The following SYT16 variants were observed in gnomAD, a reference collection of about 807,000 sequenced individuals.
SYT16 encodes synaptotagmin 16.
Under a neutral mutation model 61.4 loss-of-function variants are expected in SYT16, and 42 were observed. The ratio of observed to expected loss-of-function variants is 0.68; its 90% CI spans 0.53 to 0.89. The LOEUF (loss-of-function observed/expected upper bound fraction) is 0.89, where lower values mean the gene tolerates loss of function less well. SYT16 is among the 40% of genes least tolerant of loss of function. The probability of loss-of-function intolerance (pLI) is 0.00; values close to 1 mark genes in which losing one functional copy is unlikely to be tolerated. For synonymous variants in SYT16, 314 were observed against 302.3 expected (o/e 1.04, Z -0.40); for missense variants, 804 against 807.3 (o/e 1.00, Z 0.05).
At chr14:61,850,844 A>C (rs1205616312) in intron 1 of SYT16, among the ~76,000 whole-genome samples, 2 of 152,218 alleles carry the variant, frequency 1.3e-5, no homozygotes, top group Non-Finnish European at 1.5e-5. Flanking sequence ...TAAGGGGATG[A>C]ATTGGCTGTT....
rs185470483 is a variant in SYT16 at position 62,100,996 on chromosome 14, G to A, written c.*289G>A. ...AATAGATCATTGAGTTTTAGTTCAG[G>A]GTATGGGGTGAAGCTTCTTCTGCTG... On this transcript the variant is annotated 3_prime_UTR_variant, in exon 8 of 8. Transcript: ENST00000683842. 192 of 283,412 alleles carry A rather than the reference G, an allele frequency of 6.8e-4. 2 individuals carry two copies. In the Admixed American group the frequency reaches 9.1e-3, roughly 13 times the overall value. The allele number at this position is 283,412 out of a possible 1,614,324, so 17.6% of individuals were successfully genotyped here.
At chr14:61,979,215 T>C (rs968768335) in intron 2 of SYT16, among the ~76,000 whole-genome samples, 1 of 152,202 alleles carries the variant, frequency 6.6e-6, no homozygotes, top group Non-Finnish European at 1.5e-5. Context: ...ATTATTATTA[T>C]TATTTTTGGC....
intron 1 of SYT16, among the ~76,000 whole-genome samples, chr14:61,920,403 G>T (rs1339935088): frequency 2.0e-5 from 3 of 152,104 alleles, no homozygotes; most frequent in African/African-American, 7.2e-5. Flanking sequence ...TTAGGTATTT[G>T]TCCTAATGCT....
intron 7 of SYT16, among the ~76,000 whole-genome samples, chr14:62,092,321 A>T (rs934323776): frequency 1.3e-5 from 2 of 152,046 alleles, no homozygotes; most frequent in African/African-American, 4.8e-5. Context: ...AAACAGTATG[A>T]CAGTTCCTGA....
chr14:61,814,675 C>G (rs975672345), intron 1 of SYT16, among the ~76,000 whole-genome samples: 1 of 152,172 alleles, frequency 6.6e-6, no homozygotes, highest in Admixed American at 6.5e-5. Flanking sequence ...GTTTTTTAGG[C>G]TCAATCTTAT....
chr14:62,027,639 A>T (rs912759172), intron 3 of SYT16, among the ~76,000 whole-genome samples: 3 of 152,162 alleles, frequency 2.0e-5, no homozygotes, highest in African/African-American at 7.2e-5. Context: ...CTCAGAGGTG[A>T]CATATCACTG....
chr14:62,013,694 G>T (rs1027089728), intron 3 of SYT16, among the ~76,000 whole-genome samples: 10 of 152,022 alleles, frequency 6.6e-5, no homozygotes, highest in Non-Finnish European at 1.5e-4. Context: ...GGCCAAGTGC[G>T]GTGGCTCATG....
intron 1 of SYT16, among the ~76,000 whole-genome samples, chr14:61,961,491 C>A (rs75661249): frequency 6.1e-4 from 93 of 152,144 alleles, no homozygotes; most frequent in Non-Finnish European, 1.1e-3. Flanking sequence ...AAGACATACA[C>A]GTGGCCAACA....
In SYT16 at chr14:62,109,530, G is replaced by C. The variant is rs1015221523; in HGVS notation, c.*8823G>C. On this transcript the variant is annotated 3_prime_UTR_variant, in exon 8 of 8. Transcript: ENST00000683842. ...ATAAAATGTAGCAACTTCCAGTCTA[G>C]AATAAATTTCACCTATATGATATTG... 2 of 152,052 alleles carry C rather than the reference G, an allele frequency of 1.3e-5. No homozygotes were observed. The highest frequency in any genetic ancestry group is 2.9e-5 in the Non-Finnish European group (2 of 68,004). 9.4% of individuals were successfully genotyped at this position (152,052 alleles called of 1,614,324 possible).
rs922974068 is a variant in SYT16, at chr14:62,104,097, G to A, written c.*3390G>A. On this transcript the variant is annotated 3_prime_UTR_variant, in exon 8 of 8. Transcript: ENST00000683842. The stretch of plus-strand genomic sequence containing the variant: ...TGAAGTACTATTTAAGTAGAAACTA[G>A]CATTAGGTTAAATCAAAGTGCTTCT... The A allele has an allele frequency of 6.6e-6, 1 of 152,166 alleles. No individual in the cohort carries two copies. Among genetic ancestry groups the A allele is most frequent in the Non-Finnish European group, 1.5e-5 (1 of 68,030 alleles). 9.4% of individuals were successfully genotyped at this position (152,166 alleles called of 1,614,324 possible).
intron 1 of SYT16, among the ~76,000 whole-genome samples, chr14:61,924,206 A>C (rs1434299864): frequency 6.6e-6 from 1 of 152,210 alleles, no homozygotes; most frequent in Admixed American, 6.5e-5. Flanking sequence ...AGGTGGGGTT[A>C]AATTGGGTGA....
intron 3 of SYT16, among the ~76,000 whole-genome samples, chr14:62,052,127 TG>T (rs1290817861): frequency 6.6e-6 from 1 of 152,234 alleles, no homozygotes; most frequent in African/African-American, 2.4e-5. Flanking sequence ...TTTAAACTGT[TG>T]GTTGATAACA....
chr14:62,063,700 A>G (rs1377924866), intron 3 of SYT16, among the ~76,000 whole-genome samples: 2 of 151,590 alleles, frequency 1.3e-5, no homozygotes, highest in South Asian at 2.1e-4. Flanking sequence ...CCCTCCTTCA[A>G]CTAGAAAAAA....
intron 1 of SYT16, among the ~76,000 whole-genome samples, chr14:61,902,744 C>T (rs1364468410): frequency 6.6e-6 from 1 of 152,182 alleles, no homozygotes; most frequent in East Asian, 1.9e-4. Flanking sequence ...TTCCACATGG[C>T]TGGAGAGGCC....
chr14:62,011,103 C>T (rs994536602), intron 3 of SYT16, among the ~76,000 whole-genome samples: 2 of 152,122 alleles, frequency 1.3e-5, no homozygotes, highest in African/African-American at 2.4e-5. Flanking sequence ...ATGCTATTTA[C>T]ACAATTGAAC....
chr14:61,926,746 T>G (rs926952678), intron 1 of SYT16, among the ~76,000 whole-genome samples: 3 of 152,158 alleles, frequency 2.0e-5, no homozygotes, highest in African/African-American at 7.2e-5. Flanking sequence ...GAATACATTC[T>G]ATGAATATAT....
chr14:62,015,302 G>A (rs1431991968), intron 3 of SYT16, among the ~76,000 whole-genome samples: 3 of 151,948 alleles, frequency 2.0e-5, no homozygotes, highest in Middle Eastern at 3.2e-3. Context: ...AAAATGAATG[G>A]CTAAATGAAG....
At chr14:61,845,114 C>G (rs2046407450) in intron 1 of SYT16, among the ~76,000 whole-genome samples, 1 of 132,820 alleles carries the variant, frequency 7.5e-6, no homozygotes, top group Admixed American at 8.8e-5. Context: ...GTGGCATGAT[C>G]TCAGCTCACT....
intron 3 of SYT16, among the ~76,000 whole-genome samples, chr14:62,058,340 C>CTTTTTTTTTT (rs796187620): frequency 3.7e-5 from 4 of 109,022 alleles, no homozygotes; most frequent in Non-Finnish European, 5.6e-5. Flanking sequence ...TGTTTAAATT[C>CTTTTTTTTTT]TTTTTTTTTT....
Sources: allele counts gnomAD v4.1 joint callset (sites outside exome capture counted in the v4.1 genomes callset), GRCh38; gene constraint gnomAD v4.1.1; transcripts MANE v1.5; gene names NCBI Gene and HGNC (gene_info 2026-07-23, HGNC 2026-07-21).